Variants in NCOA3 observed in about 807,000 individuals in gnomAD.
NCOA3 encodes the protein nuclear receptor coactivator 3, also known as CBP-interacting protein.
NCOA3 carries 51 observed loss-of-function variants against 158.8 expected under a neutral mutation model. The ratio of observed to expected loss-of-function variants is 0.32; its 90% confidence interval spans 0.26 to 0.41. NCOA3 has a LOEUF of 0.41. Ranked by LOEUF, NCOA3 falls within the 10% of genes least tolerant of loss-of-function variation. The probability of loss-of-function intolerance (pLI) is 1.00; values close to 1 mark genes in which losing one functional copy is unlikely to be tolerated. For missense variants in NCOA3, 1,510 were observed against 1,746.6 expected, an observed-to-expected ratio of 0.86 and a Z score of 2.41; for synonymous variants, 537 against 592.4, an observed-to-expected ratio of 0.91 and a Z score of 1.36.
intron 1 of NCOA3, among the ~76,000 whole-genome samples, chr20:47,546,259 A>T (rs893155290): frequency 6.6e-6 from 1 of 152,102 alleles, no homozygotes; most frequent in Non-Finnish European, 1.5e-5. Flanking sequence ...GCTATTTTTA[A>T]GATATATGTA....
At chr20:47,558,232 AT>A (rs71183263) in intron 1 of NCOA3, among the ~76,000 whole-genome samples, 9,987 of 55,106 alleles carry the variant, frequency 0.18, 740 homozygotes, top group Non-Finnish European at 0.24. Flanking sequence ...CTAATTTTGT[AT>A]TTTTTTTTTT....
chr20:47,505,003 GTT>G (rs1166777115), intron 1 of NCOA3, among the ~76,000 whole-genome samples: 5 of 28,542 alleles, frequency 1.8e-4, no homozygotes, highest in East Asian at 2.7e-3. Context: ...TGGGTTTTTG[GTT>G]TTTTTTTTTT....
At chr20:47,633,981 T>C in intron 9 of NCOA3, 67 bp from the exon 10 acceptor site, 2 of 1,561,338 alleles carry the variant, frequency 1.3e-6, no homozygotes, top group South Asian at 2.3e-5. Flanking sequence ...ATTTCCTCCC[T>C]GTCCCCTCCT....
chr20:47,524,932 A>T lies in NCOA3; in HGVS notation c.-99+22913A>T, dbSNP rs781081585. Among the ~76,000 whole-genome samples, 99 of 151,600 alleles carry T rather than the reference A, an allele frequency of 6.5e-4. 1 individual carries two copies. Among genetic ancestry groups the T allele is most frequent in the Admixed American group, 4.6e-4 (7 of 15,216 alleles). On this transcript the variant is annotated intron_variant, in intron 1 of 22. Coordinates refer to ENST00000371998, the MANE Select transcript of NCOA3 (RefSeq NM_181659.3). ...TCTATTTTATTTTATTTATTTATTT[A>T]TTTTTTTCTTTTTTCTTTTTATTGA...
chr20:47,619,573 A>G (rs1414250843), intron 2 of NCOA3, among the ~76,000 whole-genome samples: 1 of 151,064 alleles, frequency 6.6e-6, no homozygotes, highest in Non-Finnish European at 1.5e-5. Context: ...TGAGCCTGGG[A>G]AGCCGAGGTT....
intron 2 of NCOA3, among the ~76,000 whole-genome samples, chr20:47,605,807 G>A (rs918270568): frequency 1.3e-5 from 2 of 152,146 alleles, no homozygotes; most frequent in Non-Finnish European, 2.9e-5. Context: ...TATTTTATCT[G>A]TCATTATTAT....
intron 2 of NCOA3, among the ~76,000 whole-genome samples, chr20:47,593,333 G>GTTTTTTT (rs1367829605): frequency 9.7e-6 from 1 of 102,960 alleles, no homozygotes; most frequent in Non-Finnish European, 1.9e-5. Flanking sequence ...TGAGTTGATG[G>GTTTTTTT]ATTTTTTTTT....
chr20:47,615,325 G>A (rs1480728621), intron 2 of NCOA3, among the ~76,000 whole-genome samples: 3 of 152,070 alleles, frequency 2.0e-5, no homozygotes, highest in African/African-American at 4.8e-5. Flanking sequence ...CTGCTATTTT[G>A]GCACACTATA....
At chr20:47,601,670 T>TA (rs1423303481) in intron 2 of NCOA3, among the ~76,000 whole-genome samples, 1 of 152,212 alleles carries the variant, frequency 6.6e-6, no homozygotes, top group Non-Finnish European at 1.5e-5. Context: ...TCCAAAAACT[T>TA]CTAATTGGAG....
rs1402745021 is a variant in NCOA3, at chr20:47,627,965, A to ATGT, written c.765_766insTGT (p.Thr255_Gly256insCys). ...TCTGTGTGGCACGCCGCATTACTAC[A>ATGT]GGAGAAAGAACATTTCCATCAAACC... On this transcript the variant is annotated inframe_insertion, in exon 8 of 23. Coordinates refer to ENST00000371998, the MANE Select transcript of NCOA3 (RefSeq NM_181659.3). 2.5e-6 allele frequency: 4 copies of ATGT among 1,614,082 alleles called. No homozygotes were observed. The South Asian group carries it at 4.4e-5, about 18-fold the overall frequency.
intron 16 of NCOA3, among the ~76,000 whole-genome samples, chr20:47,641,741 C>T (rs545477361): frequency 6.0e-4 from 91 of 151,988 alleles, no homozygotes; most frequent in African/African-American, 2.1e-3. Context: ...GTGATCCGCC[C>T]GCCTCGGCCT....
In NCOA3 at chr20:47,636,733, C is replaced by G. The variant is rs752606171; in HGVS notation, c.2347C>G (p.Pro783Ala). Residue 783 changes from proline to alanine, a missense_variant, in exon 12 of 23, where the codon CCT becomes GCT. Physicochemically the swap from Pro to Ala is conservative, Grantham distance 27. Transcript: ENST00000371998. ...TCCTAGCTCAAGTCAAGAGAAAGACCCTAAAATTAAGACAGAGACAAGTGA... is the reference window on the plus strand; with the variant it reads ...TCCTAGCTCAAGTCAAGAGAAAGACGCTAAAATTAAGACAGAGACAAGTGA... Reference protein sequence around the residue: ...TIPSSSQEKDPKIKTETSEEG... With the variant: ...TIPSSSQEKDAKIKTETSEEG... 1.9e-6 allele frequency: 3 copies of G among 1,611,468 alleles called. No individual in the cohort carries two copies. The African/African-American group carries it at 4.0e-5, about 22-fold the overall frequency.
chr20:47,613,784 G>A (rs1045807872), intron 2 of NCOA3, among the ~76,000 whole-genome samples: 7 of 151,924 alleles, frequency 4.6e-5, no homozygotes, highest in Non-Finnish European at 8.8e-5. Context: ...GGTGGTGGGT[G>A]CCTGTAATCC....
chr20:47,529,049 G>A (rs2084503155), intron 1 of NCOA3, among the ~76,000 whole-genome samples: 1 of 151,950 alleles, frequency 6.6e-6, no homozygotes, highest in African/African-American at 2.4e-5. Flanking sequence ...TTACAGGCGT[G>A]AGCCACTGTG....
intron 1 of NCOA3, among the ~76,000 whole-genome samples, chr20:47,570,803 T>G (rs1394427439): frequency 6.6e-6 from 1 of 151,720 alleles, no homozygotes; most frequent in African/African-American, 2.4e-5. Flanking sequence ...TACTTGAAAG[T>G]TAAAATTGCT....
In NCOA3 at chr20:47,634,210, C is replaced by G. The variant is rs771924485; in HGVS notation, c.1112+15C>G. The G allele has an allele frequency of 6.2e-7, 1 of 1,604,608 alleles. No homozygotes were observed. Among genetic ancestry groups the G allele is most frequent in the Non-Finnish European group, 8.5e-7 (1 of 1,173,992 alleles). ...TTCCTTCAGAGGTAATGATAGATTACTGTGTATTCTAATACAAAATGCAGC... is the reference window on the plus strand; with the variant it reads ...TTCCTTCAGAGGTAATGATAGATTAGTGTGTATTCTAATACAAAATGCAGC... On this transcript the variant is annotated intron_variant, in intron 10 of 22. Transcript: ENST00000371998.
intron 1 of NCOA3, among the ~76,000 whole-genome samples, chr20:47,570,560 T>TA (rs1194070539): frequency 1.3e-5 from 2 of 152,192 alleles, no homozygotes; most frequent in African/African-American, 2.4e-5. Flanking sequence ...CACTTCCAGT[T>TA]ACTTCCTCCA....
At chr20:47,573,454 T>G (rs1478237257) in intron 1 of NCOA3, among the ~76,000 whole-genome samples, 1 of 151,642 alleles carries the variant, frequency 6.6e-6, no homozygotes, top group Non-Finnish European at 1.5e-5. Flanking sequence ...CCATAAGAGA[T>G]AAAATAATAA....
chr20:47,592,051 T>C (rs1191166832), intron 2 of NCOA3, among the ~76,000 whole-genome samples: 1 of 152,206 alleles, frequency 6.6e-6, no homozygotes, highest in Non-Finnish European at 1.5e-5. Flanking sequence ...TTTGATTTTC[T>C]TTTGTTTTGA....
Sources: allele counts gnomAD v4.1 joint callset (sites outside exome capture counted in the v4.1 genomes callset), GRCh38; gene constraint gnomAD v4.1.1; transcripts MANE v1.5; gene names NCBI Gene and HGNC (gene_info 2026-07-23, HGNC 2026-07-21).